CBFA2T3: variants seen among roughly 807,000 people sequenced by gnomAD.
CBFA2T3 encodes the protein CBFA2/RUNX1 partner transcriptional co-repressor 3, also known as transcriptional corepressor CBFA2T3.
A neutral mutation model predicts 58.6 loss-of-function variants in CBFA2T3; 31 were observed. That is an observed-to-expected ratio of 0.53 (90% CI 0.40 to 0.71). The LOEUF (loss-of-function observed/expected upper bound fraction) is 0.71. Among genes scored for constraint, CBFA2T3 ranks in the 30% least tolerant of loss-of-function variants. CBFA2T3 has a pLI of 0.00. For synonymous variants in CBFA2T3, 531 were observed against 421.9 expected (o/e 1.26, Z -3.17); for missense variants, 1,076 against 963.1 (o/e 1.12, Z -1.55).
chr16:88,875,761 C>A lies in CBFA2T3; in HGVS notation c.*1215G>T, dbSNP rs914561639. On this transcript the variant is annotated 3_prime_UTR_variant, in exon 12 of 12. Transcript: ENST00000268679. ...GTCGAGAATCAACCCAAAAGATTGT[C>A]ACAGTTTTGTTTCGGAATTATGCTC... 1 of 233,428 alleles carries A rather than the reference C, an allele frequency of 4.3e-6. No homozygotes were observed. The highest frequency in any genetic ancestry group is 8.5e-6 in the Non-Finnish European group (1 of 118,052). The allele number at this position is 233,428 out of a possible 1,614,324, so 14.5% of individuals were successfully genotyped here.
At chr16:88,928,128 G>A (rs933726579) in intron 1 of CBFA2T3, among the ~76,000 whole-genome samples, 8 of 151,640 alleles carry the variant, frequency 5.3e-5, no homozygotes, top group Non-Finnish European at 7.3e-5. Context: ...ACTGTCCCAC[G>A]GGGCTCTGTT....
chr16:88,952,408 C>T lies in CBFA2T3; in HGVS notation c.151+24249G>A, dbSNP rs752363471. On this transcript the variant is annotated intron_variant, in intron 1 of 11. Coordinates refer to ENST00000268679, the MANE Select transcript of CBFA2T3 (RefSeq NM_005187.6). ...AGCTGCCGCCCTCCAATCCTTCTCC[C>T]GCGGGGCACCAAAATGGCTTTCAGC... Among the ~76,000 whole-genome samples, 26 of 152,114 alleles carry T rather than the reference C, an allele frequency of 1.7e-4. No homozygotes were observed. In the South Asian group the frequency reaches 2.7e-3, roughly 16 times the overall value.
intron 5 of CBFA2T3, among the ~76,000 whole-genome samples, chr16:88,888,149 C>T (rs769235973): frequency 1.2e-4 from 18 of 151,990 alleles, no homozygotes; most frequent in South Asian, 4.1e-4. Context: ...ACCCCAACTA[C>T]GAGAGAGAGG....
chr16:88,926,500 G>T (rs941840879), intron 1 of CBFA2T3, among the ~76,000 whole-genome samples: 1 of 152,180 alleles, frequency 6.6e-6, no homozygotes, highest in African/African-American at 2.4e-5. Context: ...TCTCCTGCTC[G>T]GGGCCAGTCA....
chr16:88,905,916 G>A (rs973763359), intron 1 of CBFA2T3, among the ~76,000 whole-genome samples: 10 of 151,838 alleles, frequency 6.6e-5, no homozygotes, highest in African/African-American at 2.4e-4. Context: ...TTTCCTTGGC[G>A]CTGGCTGGGC....
At chr16:88,946,871 T>C (rs1292822668) in intron 1 of CBFA2T3, among the ~76,000 whole-genome samples, 3 of 152,180 alleles carry the variant, frequency 2.0e-5, no homozygotes, top group African/African-American at 7.2e-5. Context: ...CTGCATCCTT[T>C]GACCTCCCAG....
At chr16:88,949,528 C>T (rs1349348913) in intron 1 of CBFA2T3, among the ~76,000 whole-genome samples, 1 of 150,116 alleles carries the variant, frequency 6.7e-6, no homozygotes, top group East Asian at 2.0e-4. Flanking sequence ...CACCTGCACT[C>T]CAGCCCGGGT....
intron 1 of CBFA2T3, among the ~76,000 whole-genome samples, chr16:88,928,581 G>A (rs1043281831): frequency 4.6e-5 from 7 of 152,210 alleles, no homozygotes; most frequent in Admixed American, 2.6e-4. Flanking sequence ...TGAAGCAGCC[G>A]GCGACCCCGG....
chr16:88,934,814 A>G (rs1971443358), intron 1 of CBFA2T3, among the ~76,000 whole-genome samples: 1 of 152,020 alleles, frequency 6.6e-6, no homozygotes, highest in African/African-American at 2.4e-5. Flanking sequence ...ATCTCGGCTC[A>G]CTGCAAGCTC....
At chr16:88,936,261 C>T (rs1197398694) in intron 1 of CBFA2T3, among the ~76,000 whole-genome samples, 1 of 152,172 alleles carries the variant, frequency 6.6e-6, no homozygotes, top group Non-Finnish European at 1.5e-5. Context: ...TATCTCCCAT[C>T]CTGGTCTCCG....
intron 1 of CBFA2T3, among the ~76,000 whole-genome samples, chr16:88,919,138 C>T (rs1468264342): frequency 2.0e-5 from 3 of 152,176 alleles, no homozygotes; most frequent in Non-Finnish European, 4.4e-5. Flanking sequence ...TTACCTTTCT[C>T]AGCATTCCAC....
chr16:88,921,900 A>ACGCCTCACCC lies in CBFA2T3; in HGVS notation c.152-20254_152-20245dup, dbSNP rs1410748845. 2.0e-5 allele frequency among the ~76,000 whole-genome samples: 3 copies of ACGCCTCACCC among 152,240 alleles called. No individual in the cohort carries two copies. In the East Asian group the frequency reaches 5.8e-4, roughly 29 times the overall value. The stretch of plus-strand genomic sequence containing the variant: ...TTAAATGTCTACCTGGGGAATGGGG[A>ACGCCTCACCC]CGCCTCACCCCGTCTCACCCAGACC... On this transcript the variant is annotated intron_variant, in intron 1 of 11. Transcript: ENST00000268679.
rs868707584 is a variant in CBFA2T3 at position 88,975,010 on chromosome 16, G to C, written c.151+1647C>G. 8.1e-5 allele frequency among the ~76,000 whole-genome samples: 12 copies of C among 148,872 alleles called. No homozygotes were observed. The East Asian group carries it at 1.8e-3, about 22-fold the overall frequency. ...CAGAAGCCCCTAGAAGCCAGGGGCAGGACCCCGCACCCAAGTGAGACCCTG... is the reference window on the plus strand; with the variant it reads ...CAGAAGCCCCTAGAAGCCAGGGGCACGACCCCGCACCCAAGTGAGACCCTG... On this transcript the variant is annotated intron_variant, in intron 1 of 11. Coordinates refer to ENST00000268679, the MANE Select transcript of CBFA2T3 (RefSeq NM_005187.6).
intron 1 of CBFA2T3, among the ~76,000 whole-genome samples, chr16:88,908,885 T>G (rs143249402): frequency 6.6e-6 from 1 of 152,334 alleles, no homozygotes; most frequent in African/African-American, 2.4e-5. Flanking sequence ...CCTGAGCATT[T>G]TGTGCAGAAC....
chr16:88,896,462 T>C (rs1420934417), intron 3 of CBFA2T3, among the ~76,000 whole-genome samples: 1 of 152,110 alleles, frequency 6.6e-6, no homozygotes, highest in Non-Finnish European at 1.5e-5. Context: ...GGGGGGACAG[T>C]GGACGCTGAC....
rs577552155 is a variant in CBFA2T3 at position 88,913,641 on chromosome 16, G to A, written c.152-11985C>T. Among the ~76,000 whole-genome samples the A allele has an allele frequency of 1.1e-3, 171 of 152,230 alleles. 1 individual carries two copies. Among genetic ancestry groups the A allele is most frequent in the African/African-American group, 3.6e-3 (151 of 41,534 alleles). ...CCGCTACTCCACACCTCATTCCTCC[G>A]TGGGGGGGTCTCAGCCGGGACCAGC... On this transcript the variant is annotated intron_variant, in intron 1 of 11. Coordinates refer to ENST00000268679, the MANE Select transcript of CBFA2T3 (RefSeq NM_005187.6).
At chr16:88,925,669 G>C (rs1203253622) in intron 1 of CBFA2T3, among the ~76,000 whole-genome samples, 2 of 152,200 alleles carry the variant, frequency 1.3e-5, no homozygotes, top group Non-Finnish European at 1.5e-5. Context: ...CAGGGTAACC[G>C]GAGGCTTCTA....
intron 1 of CBFA2T3, among the ~76,000 whole-genome samples, chr16:88,905,319 A>G (rs1360849083): frequency 6.6e-6 from 1 of 152,088 alleles, no homozygotes; most frequent in Non-Finnish European, 1.5e-5. Context: ...TGCGGGGCTC[A>G]GGGCCATGCA....
At chr16:88,899,874 C>T (rs1325694625) in intron 2 of CBFA2T3, among the ~76,000 whole-genome samples, 1 of 152,156 alleles carries the variant, frequency 6.6e-6, no homozygotes, top group African/African-American at 2.4e-5. Flanking sequence ...TTTAACACAG[C>T]AGCGGTCTCC....
Sources: gnomAD v4.1 joint callset for allele counts (sites outside exome capture counted in the v4.1 genomes callset) on GRCh38, gnomAD v4.1.1 for gene constraint, MANE v1.5 for transcripts, NCBI Gene and HGNC (gene_info 2026-07-23, HGNC 2026-07-21) for gene names.